NLGN1: variants seen among roughly 807,000 people sequenced by gnomAD.
NLGN1 encodes neuroligin-1.
In NLGN1, 12 loss-of-function variants were observed where a neutral mutation model predicts 65.5. The observed-to-expected ratio is 0.18, with a 90% confidence interval of 0.12 to 0.30. NLGN1 has a LOEUF of 0.30. Ranked by LOEUF, NLGN1 falls within the 10% of genes least tolerant of loss-of-function variation. The probability of loss-of-function intolerance (pLI) is 1.00; values close to 1 mark genes in which losing one functional copy is unlikely to be tolerated. For synonymous variants in NLGN1, 350 were observed against 359.5 expected (o/e 0.97, Z 0.30); for missense variants, 750 against 1,007.1 (o/e 0.74, Z 3.46).
At chr3:173,505,106 CTG>C (rs141648747) in intron 2 of NLGN1, among the ~76,000 whole-genome samples, 1,567 of 152,070 alleles carry the variant, frequency 0.01, 18 homozygotes, top group African/African-American at 0.036. Flanking sequence ...CTCTTCCATT[CTG>C]TGTCTCTGTA....
chr3:174,258,768 G>A (rs896380654), intron 4 of NLGN1, among the ~76,000 whole-genome samples: 3 of 151,920 alleles, frequency 2.0e-5, no homozygotes, highest in Non-Finnish European at 2.9e-5. Flanking sequence ...AAAGACCAAC[G>A]AACTGTTCAA....
At chr3:174,085,156 T>G (rs1261384459) in intron 4 of NLGN1, among the ~76,000 whole-genome samples, 2 of 151,254 alleles carry the variant, frequency 1.3e-5, no homozygotes, top group Non-Finnish European at 3.0e-5. Context: ...ATAAAGCAAG[T>G]GTAACAAAAT....
intron 4 of NLGN1, among the ~76,000 whole-genome samples, chr3:174,047,862 A>G (rs1354504965): frequency 2.6e-5 from 4 of 152,042 alleles, no homozygotes; most frequent in Non-Finnish European, 5.9e-5. Context: ...TGGATGAAAT[A>G]TGTGTGAAGA....
chr3:173,903,691 T>C (rs1281983438), intron 4 of NLGN1, among the ~76,000 whole-genome samples: 2 of 152,124 alleles, frequency 1.3e-5, no homozygotes. Flanking sequence ...TAGGAAGGTA[T>C]ACCTGCGGGC....
chr3:174,040,256 A>T (rs891167020), intron 4 of NLGN1, among the ~76,000 whole-genome samples: 1 of 152,092 alleles, frequency 6.6e-6, no homozygotes, highest in Non-Finnish European at 1.5e-5. Context: ...TCTGTGTGTT[A>T]CGTAAGGGGA....
At chr3:173,665,587 A>T (rs958858595) in intron 3 of NLGN1, among the ~76,000 whole-genome samples, 1 of 152,164 alleles carries the variant, frequency 6.6e-6, no homozygotes, top group Non-Finnish European at 1.5e-5. Context: ...ACATTGAGGA[A>T]TCTCGCATGT....
intron 4 of NLGN1, among the ~76,000 whole-genome samples, chr3:174,229,208 C>G (rs1740255494): frequency 6.6e-6 from 1 of 151,936 alleles, no homozygotes; most frequent in Non-Finnish European, 1.5e-5. Context: ...ATAACAAGAT[C>G]AAGTATGCCA....
rs1751347795 is a variant in NLGN1, at chr3:174,280,453, T to A, written c.1650-28T>A. 3 of 1,450,596 alleles carry A rather than the reference T, an allele frequency of 2.1e-6. 1 individual carries two copies. In the Admixed American group the frequency reaches 6.4e-5, roughly 31 times the overall value. 89.9% of individuals were successfully genotyped at this position (1,450,596 alleles called of 1,614,324 possible). A position where few individuals can be genotyped will look rare whatever the true frequency, so the allele number is the denominator to read the frequency against. Reference sequence around the variant, plus strand: ...TTAAGTAAAAAATAAAATAGCTTTATTCTCATAATTTATCTTTTCCTTCTT... The same window carrying A: ...TTAAGTAAAAAATAAAATAGCTTTAATCTCATAATTTATCTTTTCCTTCTT... On this transcript the variant is annotated intron_variant, in intron 6 of 6. Transcript: ENST00000457714. This position sits in a 1 kb window ranked among gnomAD's most constrained non-coding sequence, Gnocchi z 4.9.
At chr3:173,974,481 A>G (rs1716979655) in intron 4 of NLGN1, among the ~76,000 whole-genome samples, 1 of 152,096 alleles carries the variant, frequency 6.6e-6, no homozygotes. Flanking sequence ...TCATTGAGAA[A>G]AGGTAAAACA....
intron 3 of NLGN1, among the ~76,000 whole-genome samples, chr3:173,689,206 C>T (rs984441309): frequency 2.6e-5 from 4 of 152,150 alleles, no homozygotes; most frequent in Non-Finnish European, 5.9e-5. Context: ...ATATCCTGGA[C>T]ATGTGGGACT....
chr3:174,093,617 A>C (rs191216054), intron 4 of NLGN1, among the ~76,000 whole-genome samples: 2 of 152,322 alleles, frequency 1.3e-5, no homozygotes, highest in East Asian at 3.9e-4. Context: ...ATATAAATGA[A>C]ACCACAGGAA....
chr3:173,525,864 C>A (rs1409970308), intron 2 of NLGN1, among the ~76,000 whole-genome samples: 1 of 152,090 alleles, frequency 6.6e-6, no homozygotes, highest in Non-Finnish European at 1.5e-5. Flanking sequence ...ACCCAAAAGT[C>A]ATTCAGGAGC....
chr3:173,831,179 C>T (rs978173346), intron 4 of NLGN1, among the ~76,000 whole-genome samples: 1 of 151,910 alleles, frequency 6.6e-6, no homozygotes, highest in Non-Finnish European at 1.5e-5. Flanking sequence ...TTTCTTTATC[C>T]ATTCATCTGT....
intron 4 of NLGN1, among the ~76,000 whole-genome samples, chr3:173,856,473 A>G (rs75012780): frequency 0.016 from 2,476 of 152,168 alleles, 67 homozygotes; most frequent in African/African-American, 0.056. Flanking sequence ...CCAGGTAAAA[A>G]CTGACTATAG....
intron 4 of NLGN1, among the ~76,000 whole-genome samples, chr3:173,962,092 A>G (rs1713719210): frequency 6.6e-6 from 1 of 152,160 alleles, no homozygotes; most frequent in African/African-American, 2.4e-5. Context: ...AGTTAAAAAA[A>G]TTAATTTGGT....
intron 4 of NLGN1, among the ~76,000 whole-genome samples, chr3:173,876,248 A>G (rs889916367): frequency 6.6e-6 from 1 of 152,174 alleles, no homozygotes; most frequent in Admixed American, 6.6e-5. Flanking sequence ...GTTGAGTCGG[A>G]ACAGGTCAAT....
chr3:173,431,742 A>G (rs1005612828), intron 1 of NLGN1, among the ~76,000 whole-genome samples: 4 of 152,108 alleles, frequency 2.6e-5, no homozygotes, highest in Admixed American at 6.6e-5. Flanking sequence ...CCAAAATCCA[A>G]ATTTTCATTA....
Position 174,183,821 on chromosome 3 carries a change from C to T in NLGN1, c.647-91494C>T, listed in dbSNP as rs16857566. On this transcript the variant is annotated intron_variant, in intron 4 of 6. Transcript: ENST00000457714. ...TCCTTCTTTTCCAGTCATTATTCACCTAGGTACTGGAAGTTGTGTCTCAGA... is the reference window on the plus strand; with the variant it reads ...TCCTTCTTTTCCAGTCATTATTCACTTAGGTACTGGAAGTTGTGTCTCAGA... Among the ~76,000 whole-genome samples the T allele has an allele frequency of 3.1e-3, 472 of 152,212 alleles. 1 individual carries two copies. Among genetic ancestry groups the T allele is most frequent in the African/African-American group, 9.8e-3 (409 of 41,526 alleles).
At chr3:173,667,955 T>C (rs1405953936) in intron 3 of NLGN1, among the ~76,000 whole-genome samples, 2 of 152,160 alleles carry the variant, frequency 1.3e-5, no homozygotes, top group African/African-American at 4.8e-5. Context: ...TAGCAAAACC[T>C]GGAAACATAT....
Sources: allele counts gnomAD v4.1 joint callset (sites outside exome capture counted in the v4.1 genomes callset), GRCh38; gene constraint gnomAD v4.1.1; non-coding constraint Gnocchi (gnomAD v3.1); transcripts MANE v1.5; gene names NCBI Gene and HGNC (gene_info 2026-07-23, HGNC 2026-07-21).